LHFPL3: variants seen among roughly 807,000 people sequenced by gnomAD.
LHFPL3 encodes LHFPL tetraspan subfamily member 3 protein.
LHFPL3 carries 5 observed loss-of-function variants against 19.3 expected under a neutral mutation model. The ratio of observed to expected loss-of-function variants is 0.26; its 90% confidence interval spans 0.14 to 0.54. The LOEUF (loss-of-function observed/expected upper bound fraction) is 0.54, where lower values mean the gene tolerates loss of function less well. Ranked by LOEUF, LHFPL3 falls within the 20% of genes least tolerant of loss-of-function variation. The pLI is 0.94. For synonymous variants in LHFPL3, 133 were observed against 126.2 expected, an observed-to-expected ratio of 1.05 and a Z score of -0.36; for missense variants, 249 against 307.4, an observed-to-expected ratio of 0.81 and a Z score of 1.42.
chr7:104,388,037 G>A (rs1398913988), intron 1 of LHFPL3, among the ~76,000 whole-genome samples: 5 of 152,136 alleles, frequency 3.3e-5, no homozygotes, highest in Non-Finnish European at 5.9e-5. Flanking sequence ...GTGAGAACAT[G>A]TGGTATTTGG....
intron 1 of LHFPL3, among the ~76,000 whole-genome samples, chr7:104,514,923 T>C (rs1265520068): frequency 6.6e-6 from 1 of 152,214 alleles, no homozygotes; most frequent in Non-Finnish European, 1.5e-5. Context: ...GAAACTACCC[T>C]TCTTTTCTGT....
rs1791034783 is a variant in LHFPL3, at chr7:104,390,089, G to A, written c.445+60865G>A. 2.0e-5 allele frequency among the ~76,000 whole-genome samples: 3 copies of A among 150,836 alleles called. No individual in the cohort carries two copies. In the South Asian group the frequency reaches 6.3e-4, roughly 32 times the overall value. On this transcript the variant is annotated intron_variant, in intron 1 of 2. Coordinates refer to ENST00000424859, the MANE Select transcript of LHFPL3 (RefSeq NM_199000.3). The stretch of plus-strand genomic sequence containing the variant: ...AATGAAAAGACAACCCACAGAATGA[G>A]AGAAAATATCATATATCTGTTAAGG...
intron 1 of LHFPL3, among the ~76,000 whole-genome samples, chr7:104,419,483 G>A (rs1353800746): frequency 6.6e-6 from 1 of 152,156 alleles, no homozygotes; most frequent in Non-Finnish European, 1.5e-5. Context: ...ATGGAATATA[G>A]GGAGAAGGAA....
intron 2 of LHFPL3, among the ~76,000 whole-genome samples, chr7:104,812,404 C>G (rs529219962): frequency 2.6e-5 from 4 of 152,090 alleles, no homozygotes; most frequent in Admixed American, 6.6e-5. Flanking sequence ...CATGGATGAA[C>G]CTTACAATGT....
chr7:104,438,235 T>A (rs1419173528), intron 1 of LHFPL3, among the ~76,000 whole-genome samples: 1 of 152,218 alleles, frequency 6.6e-6, no homozygotes, highest in Non-Finnish European at 1.5e-5. Flanking sequence ...CCATGCACTT[T>A]TAGCTTCTTT....
chr7:104,877,766 T>A (rs1402508702), intron 2 of LHFPL3, among the ~76,000 whole-genome samples: 1 of 152,054 alleles, frequency 6.6e-6, no homozygotes, highest in Non-Finnish European at 1.5e-5. Context: ...AATTCCATGC[T>A]GGGTATGTAT....
chr7:104,566,224 A>G (rs1019721800), intron 1 of LHFPL3, among the ~76,000 whole-genome samples: 1 of 152,100 alleles, frequency 6.6e-6, no homozygotes, highest in Non-Finnish European at 1.5e-5. Context: ...GATGGCATGC[A>G]CCTGTAGTCC....
At chr7:104,865,743 C>T (rs561867304) in intron 2 of LHFPL3, among the ~76,000 whole-genome samples, 5 of 152,116 alleles carry the variant, frequency 3.3e-5, no homozygotes, top group East Asian at 1.9e-4. Context: ...AGATACTCCT[C>T]GAGAAGAGCA....
chr7:104,524,042 C>T (rs1006600316), intron 1 of LHFPL3, among the ~76,000 whole-genome samples: 2 of 152,090 alleles, frequency 1.3e-5, no homozygotes, highest in East Asian at 3.9e-4. Flanking sequence ...TCTTGACAGA[C>T]TTAATAGGAT....
At chr7:104,569,981 C>T (rs1012225630) in intron 1 of LHFPL3, among the ~76,000 whole-genome samples, 13 of 152,166 alleles carry the variant, frequency 8.5e-5, no homozygotes, top group Non-Finnish European at 1.5e-5. Flanking sequence ...AATATTTGCT[C>T]TAACAGAGAC....
At chr7:104,629,557 C>G (rs759453200) in intron 1 of LHFPL3, among the ~76,000 whole-genome samples, 9 of 152,162 alleles carry the variant, frequency 5.9e-5, no homozygotes, top group Non-Finnish European at 1.3e-4. Context: ...GGTTAGCAGG[C>G]CTTCTGTTAT....
intron 1 of LHFPL3, among the ~76,000 whole-genome samples, chr7:104,527,891 G>A (rs767236756): frequency 1.2e-4 from 18 of 152,180 alleles, no homozygotes; most frequent in Non-Finnish European, 2.1e-4. Context: ...TCAAAACACT[G>A]TAACAAGGGC....
chr7:104,604,582 A>AT (rs1791054508), intron 1 of LHFPL3, among the ~76,000 whole-genome samples: 1 of 152,162 alleles, frequency 6.6e-6, no homozygotes, highest in East Asian at 1.9e-4. Context: ...AAATCTTTCC[A>AT]TTTTGCTTCT....
At position 104,329,051 on chromosome 7, in the gene LHFPL3, G is replaced by A; in HGVS notation, c.272G>A (p.Arg91Lys). ...GNGFSRELTC[R>K]GSFTDFSTLP... Reference sequence around the variant, plus strand: ...GGCTTCTCCCGGGAGCTGACCTGCAGGGGCAGCTTCACGGACTTCTCCACG... The same window carrying A: ...GGCTTCTCCCGGGAGCTGACCTGCAAGGGCAGCTTCACGGACTTCTCCACG... Residue 91 changes from arginine to lysine, a missense_variant, in exon 1 of 3, where the codon AGG becomes AAG. Arg to Lys is a conservative substitution (Grantham distance 26). Transcript: ENST00000424859. The A allele has an allele frequency of 1.2e-6, 2 of 1,614,020 alleles. No individual in the cohort carries two copies. The highest frequency in any genetic ancestry group is 1.7e-6 in the Non-Finnish European group (2 of 1,179,894).
chr7:104,647,858 A>G (rs148339891), intron 1 of LHFPL3, among the ~76,000 whole-genome samples: 87 of 152,300 alleles, frequency 5.7e-4, no homozygotes, highest in African/African-American at 2.1e-3. Flanking sequence ...CCTGCTGACA[A>G]TTCGTTGGCC....
At chr7:104,500,687 TCG>T (rs1793583386) in intron 1 of LHFPL3, among the ~76,000 whole-genome samples, 1 of 152,202 alleles carries the variant, frequency 6.6e-6, no homozygotes, top group Non-Finnish European at 1.5e-5. Flanking sequence ...CACCTTTCCC[TCG>T]CCACAGAGGG....
At chr7:104,561,020 A>G (rs1789985037) in intron 1 of LHFPL3, among the ~76,000 whole-genome samples, 1 of 151,484 alleles carries the variant, frequency 6.6e-6, no homozygotes, top group South Asian at 2.1e-4. Context: ...CCTGAGTTCT[A>G]GTTTGATTGC....
intron 1 of LHFPL3, among the ~76,000 whole-genome samples, chr7:104,395,316 G>A (rs1322951184): frequency 6.6e-6 from 1 of 152,136 alleles, no homozygotes; most frequent in Non-Finnish European, 1.5e-5. Flanking sequence ...TTGTCAGTTT[G>A]GAGCAGTTAG....
At chr7:104,687,276 G>A (rs1792823985) in intron 1 of LHFPL3, among the ~76,000 whole-genome samples, 1 of 152,224 alleles carries the variant, frequency 6.6e-6, no homozygotes. Context: ...TGGGAGAAGG[G>A]ACGCAGAACT....
Sources: allele counts gnomAD v4.1 joint callset (sites outside exome capture counted in the v4.1 genomes callset), GRCh38; gene constraint gnomAD v4.1.1; transcripts MANE v1.5; gene names NCBI Gene and HGNC (gene_info 2026-07-23, HGNC 2026-07-21).